Variants in GLIS3 observed in about 807,000 individuals in gnomAD.
The protein encoded by GLIS3 is GLIS family zinc finger 3, also known as zinc finger protein GLIS3.
In GLIS3, 53 loss-of-function variants were observed where a neutral mutation model predicts 78.6. The observed-to-expected ratio is 0.67, with a 90% CI of 0.54 to 0.85. The LOEUF is 0.85. Among genes scored for constraint, GLIS3 ranks in the 40% least tolerant of loss-of-function variants. The probability of loss-of-function intolerance (pLI) is 0.00; values close to 1 mark genes in which losing one functional copy is unlikely to be tolerated. For missense variants in GLIS3, 1,703 were observed against 1,231.1 expected, an observed-to-expected ratio of 1.38 and a Z score of -5.74; for synonymous variants, 684 against 509.9, an observed-to-expected ratio of 1.34 and a Z score of -4.60.
intron 4 of GLIS3, among the ~76,000 whole-genome samples, chr9:4,030,958 C>T (rs1490408167): frequency 6.6e-6 from 1 of 152,184 alleles, no homozygotes; most frequent in Non-Finnish European, 1.5e-5. Flanking sequence ...CAATAAATAA[C>T]ACAACCACCA....
intron 2 of GLIS3, among the ~76,000 whole-genome samples, chr9:4,177,467 C>T (rs1350948615): frequency 6.6e-6 from 1 of 152,174 alleles, no homozygotes; most frequent in African/African-American, 2.4e-5. Context: ...AGCCCAATGT[C>T]TGAAACAGAT....
chr9:4,096,868 C>T (rs925709509), intron 4 of GLIS3, among the ~76,000 whole-genome samples: 2 of 152,108 alleles, frequency 1.3e-5, no homozygotes, highest in East Asian at 1.9e-4. Context: ...AGAAATTAAC[C>T]AGGCACAGTG....
chr9:4,005,238 C>A (rs1420809915), intron 4 of GLIS3, among the ~76,000 whole-genome samples: 1 of 152,180 alleles, frequency 6.6e-6, no homozygotes, highest in African/African-American at 2.4e-5. Context: ...CAATGCTTAT[C>A]AAAATTTGAA....
At chr9:3,956,007 A>T (rs1451053822) in intron 4 of GLIS3, among the ~76,000 whole-genome samples, 1 of 141,542 alleles carries the variant, frequency 7.1e-6, no homozygotes, top group Non-Finnish European at 1.5e-5. Context: ...TCCTACCACA[A>T]TTGACCTTCT....
At chr9:4,380,149 G>T in the GLIS3 span, among the ~76,000 whole-genome samples, 1 of 152,220 alleles carries the variant, frequency 6.6e-6, no homozygotes, top group Non-Finnish European at 1.5e-5. Flanking sequence ...GCTGTATACA[G>T]CTAGGAGAAG....
Position 3,962,950 on chromosome 9 carries a change from G to C in GLIS3, c.1711-25761C>G, listed in dbSNP as rs555214043. Among the ~76,000 whole-genome samples the C allele has an allele frequency of 4.3e-4, 65 of 150,502 alleles. 1 individual carries two copies. Among genetic ancestry groups the C allele is most frequent in the African/African-American group, 1.4e-3 (55 of 40,618 alleles). On this transcript the variant is annotated intron_variant, in intron 4 of 10. Transcript: ENST00000381971. ...AACAAGATCTGCTGTGATTTAAGGG[G>C]GGGGGGGGGAGAGAGATTTATTGAG...
At chr9:4,478,769 G>C in the GLIS3 span, among the ~76,000 whole-genome samples, 22 of 152,192 alleles carry the variant, frequency 1.4e-4, no homozygotes, top group African/African-American at 4.8e-4. Context: ...ATATGCAGAA[G>C]AAATGTTAGA....
chr9:4,453,297 T>C, the GLIS3 span, among the ~76,000 whole-genome samples: 3 of 97,280 alleles, frequency 3.1e-5, no homozygotes, highest in Non-Finnish European at 6.6e-5. Flanking sequence ...GCAACAAAAG[T>C]CAAAATTGAC....
the GLIS3 span, among the ~76,000 whole-genome samples, chr9:4,418,329 T>G: frequency 3.0e-4 from 45 of 152,226 alleles, no homozygotes; most frequent in African/African-American, 9.6e-4. Flanking sequence ...AAGATAGACA[T>G]GCAGATTGTA....
intron 1 of GLIS3, among the ~76,000 whole-genome samples, chr9:4,297,950 C>T (rs1816710365): frequency 1.3e-5 from 1 of 75,190 alleles, no homozygotes; most frequent in South Asian, 3.7e-4. Flanking sequence ...GGGGCGGGTC[C>T]GGAGGCGGAG....
At chr9:4,450,100 A>G in the GLIS3 span, among the ~76,000 whole-genome samples, 1 of 152,208 alleles carries the variant, frequency 6.6e-6, no homozygotes, top group Non-Finnish European at 1.5e-5. Flanking sequence ...AAAACCTTGA[A>G]AAAAGATAAG....
chr9:4,216,421 A>G (rs1820845993), intron 2 of GLIS3, among the ~76,000 whole-genome samples: 1 of 150,238 alleles, frequency 6.7e-6, no homozygotes, highest in African/African-American at 2.5e-5. Context: ...CGGAGCTTGC[A>G]GTAAGCTGAG....
intron 2 of GLIS3, among the ~76,000 whole-genome samples, chr9:4,276,374 GAGGGGAGGTGAGGGGAGGGA>G (rs1826990896): frequency 4.6e-5 from 2 of 43,082 alleles, no homozygotes; most frequent in Non-Finnish European, 9.7e-5. Flanking sequence ...GAGGGCACGG[GAGGGGAGGTGAGGGGAGGGA>G]AGGGAAGGGG....
chr9:4,404,134 A>C, the GLIS3 span, among the ~76,000 whole-genome samples: 2 of 152,234 alleles, frequency 1.3e-5, no homozygotes, highest in African/African-American at 4.8e-5. Context: ...AAATAAGGTT[A>C]TTAAATAATG....
At chr9:3,925,606 C>T (rs188484830) in intron 6 of GLIS3, among the ~76,000 whole-genome samples, 93 of 151,358 alleles carry the variant, frequency 6.1e-4, no homozygotes, top group African/African-American at 1.2e-3. Context: ...CGTGTGCGCG[C>T]GTGTGTGTGT....
At chr9:4,415,428 T>C in the GLIS3 span, among the ~76,000 whole-genome samples, 14 of 152,362 alleles carry the variant, frequency 9.2e-5, 1 homozygote, top group South Asian at 2.1e-3. Flanking sequence ...AAGGTCATAC[T>C]TTGCCTCAGC....
chr9:4,201,646 C>G (rs998046723), intron 2 of GLIS3, among the ~76,000 whole-genome samples: 2 of 151,984 alleles, frequency 1.3e-5, no homozygotes, highest in South Asian at 2.1e-4. Context: ...AAAATATCTA[C>G]AACAAGAACT....
intron 2 of GLIS3, among the ~76,000 whole-genome samples, chr9:4,330,070 G>A (rs1393060228): frequency 6.6e-6 from 1 of 152,150 alleles, no homozygotes; most frequent in African/African-American, 2.4e-5. Flanking sequence ...TTTCCATCAG[G>A]AATGCAAATA....
At chr9:4,194,321 A>G (rs1432789409) in intron 2 of GLIS3, among the ~76,000 whole-genome samples, 1 of 152,138 alleles carries the variant, frequency 6.6e-6, no homozygotes, top group Non-Finnish European at 1.5e-5. Flanking sequence ...TGGCCTCCCA[A>G]AGTGCTAGGA....
Sources: allele counts gnomAD v4.1 joint callset (sites outside exome capture counted in the v4.1 genomes callset), GRCh38; gene constraint gnomAD v4.1.1; transcripts MANE v1.5; gene names NCBI Gene and HGNC (gene_info 2026-07-23, HGNC 2026-07-21).